Variants in FBXL17 observed in about 807,000 individuals in gnomAD.
The protein encoded by FBXL17 is F-box and leucine rich repeat protein 17, also known as F-box/LRR-repeat protein 17.
Under a neutral mutation model 66.2 loss-of-function variants are expected in FBXL17, and 22 were observed. That is an observed-to-expected ratio of 0.33 (90% CI 0.24 to 0.47). The LOEUF is 0.47. FBXL17 is among the 20% of genes least tolerant of loss of function. FBXL17 has a pLI of 1.00. For synonymous variants in FBXL17, 474 were observed against 400.5 expected, an observed-to-expected ratio of 1.18 and a Z score of -2.19; for missense variants, 878 against 948.2, an observed-to-expected ratio of 0.93 and a Z score of 0.97.
intron 7 of FBXL17, among the ~76,000 whole-genome samples, chr5:107,979,046 T>C (rs1208418721): frequency 3.8e-4 from 58 of 152,204 alleles, no homozygotes; most frequent in Non-Finnish European, 1.5e-5. Context: ...AAAATGGGGA[T>C]AAATATGTCT....
intron 6 of FBXL17, among the ~76,000 whole-genome samples, chr5:108,129,366 G>A (rs1750837983): frequency 6.6e-6 from 1 of 151,896 alleles, no homozygotes; most frequent in Admixed American, 6.6e-5. Context: ...CTTCAAGCAG[G>A]GTTGCATACA....
intron 6 of FBXL17, among the ~76,000 whole-genome samples, chr5:108,100,480 G>T (rs1052167710): frequency 1.3e-5 from 2 of 151,986 alleles, no homozygotes; most frequent in Non-Finnish European, 2.9e-5. Flanking sequence ...TTGTTATTAT[G>T]TAAGTATTTC....
chr5:108,057,124 A>C (rs1413053572), intron 6 of FBXL17, among the ~76,000 whole-genome samples: 1 of 152,238 alleles, frequency 6.6e-6, no homozygotes, highest in Non-Finnish European at 1.5e-5. Context: ...TAACTATTTA[A>C]ATGAAAAATT....
Position 108,253,248 on chromosome 5 carries a change from A to AT in FBXL17, c.1507-29021dup, listed in dbSNP as rs1466769638. Among the ~76,000 whole-genome samples the AT allele has an allele frequency of 1.1e-3, 161 of 152,138 alleles. 1 individual carries two copies. Among genetic ancestry groups the AT allele is most frequent in the Non-Finnish European group, 1.7e-3 (115 of 67,990 alleles). On this transcript the variant is annotated intron_variant, in intron 4 of 8. Coordinates refer to ENST00000542267, the MANE Select transcript of FBXL17 (RefSeq NM_001163315.3). ...TACTTTATTCTAGGGAAAAAAGGTG[A>AT]TTTTTTTAAAAATTTTTATTTCTGT...
intron 7 of FBXL17, among the ~76,000 whole-genome samples, chr5:107,921,086 T>C (rs1750303468): frequency 6.6e-6 from 1 of 152,212 alleles, no homozygotes; most frequent in Non-Finnish European, 1.5e-5. Context: ...ACTAACATTG[T>C]TTGACTATAA....
At chr5:108,072,482 T>C (rs1335218337) in intron 6 of FBXL17, among the ~76,000 whole-genome samples, 1 of 152,102 alleles carries the variant, frequency 6.6e-6, no homozygotes, top group African/African-American at 2.4e-5. Flanking sequence ...GGCGGGTGGA[T>C]CACAAAGCCA....
chr5:108,181,058 A>G (rs1752982195), intron 6 of FBXL17, among the ~76,000 whole-genome samples: 1 of 152,236 alleles, frequency 6.6e-6, no homozygotes, highest in Non-Finnish European at 1.5e-5. Flanking sequence ...ATTAACAAAA[A>G]AAGAATAAAA....
chr5:108,290,221 T>C (rs935292204), intron 4 of FBXL17, among the ~76,000 whole-genome samples: 2 of 152,112 alleles, frequency 1.3e-5, no homozygotes, highest in Admixed American at 1.3e-4. Flanking sequence ...GTAGAGTCCA[T>C]AGGGATGAAG....
intron 4 of FBXL17, among the ~76,000 whole-genome samples, chr5:108,247,079 CCTGT>C (rs1756133971): frequency 6.6e-6 from 1 of 152,012 alleles, no homozygotes; most frequent in Admixed American, 6.6e-5. Flanking sequence ...AAATAAAGGC[CCTGT>C]CTAGTATATC....
At chr5:108,015,423 C>T (rs1156239664) in intron 7 of FBXL17, among the ~76,000 whole-genome samples, 1 of 151,796 alleles carries the variant, frequency 6.6e-6, no homozygotes, top group Non-Finnish European at 1.5e-5. Context: ...TTCCTGCTGA[C>T]AAAAGGAGTG....
intron 7 of FBXL17, among the ~76,000 whole-genome samples, chr5:107,963,246 C>T (rs760328743): frequency 6.6e-6 from 1 of 152,100 alleles, no homozygotes; most frequent in Non-Finnish European, 1.5e-5. Flanking sequence ...TCCACCCATA[C>T]ATTGAGGGCC....
intron 7 of FBXL17, among the ~76,000 whole-genome samples, chr5:107,884,102 CCAAG>C (rs1748884112): frequency 6.6e-6 from 1 of 152,116 alleles, no homozygotes; most frequent in Non-Finnish European, 1.5e-5. Flanking sequence ...AGTAACAAAA[CCAAG>C]CAGAGTCCTT....
chr5:107,904,859 G>T (rs1749699705), intron 7 of FBXL17, among the ~76,000 whole-genome samples: 1 of 151,990 alleles, frequency 6.6e-6, no homozygotes, highest in Non-Finnish European at 1.5e-5. Context: ...CTCCAGGAGT[G>T]ACATTCTGAC....
intron 6 of FBXL17, among the ~76,000 whole-genome samples, chr5:108,168,939 A>G (rs936347003): frequency 6.6e-6 from 1 of 152,228 alleles, no homozygotes. Flanking sequence ...GGAGTAAAAT[A>G]TATGTGCATC....
chr5:108,156,946 A>C (rs774848259), intron 6 of FBXL17, among the ~76,000 whole-genome samples: 86 of 152,020 alleles, frequency 5.7e-4, no homozygotes, highest in Middle Eastern at 3.4e-3. Context: ...GAAGGACTAA[A>C]CTAACAGTCT....
rs1233513756 is a variant in FBXL17, at chr5:108,381,827, C to A, written c.-136G>T. 7 of 1,303,734 alleles carry A rather than the reference C, an allele frequency of 5.4e-6. No homozygotes were observed. Among genetic ancestry groups the A allele is most frequent in the Non-Finnish European group, 6.8e-6 (7 of 1,026,938 alleles). 80.8% of individuals were successfully genotyped at this position (1,303,734 alleles called of 1,614,324 possible). On this transcript the variant is annotated 5_prime_UTR_variant, in exon 1 of 9. Transcript: ENST00000542267. ...CTTCCTGCGCACACACACGCACACA[C>A]GGGCACACACGCGACGGTGGGGGGT...
Position 107,868,277 on chromosome 5 carries a change from A to G in FBXL17, c.1966-6417T>C, listed in dbSNP as rs147711385. Among the ~76,000 whole-genome samples the G allele has an allele frequency of 1.1e-3, 162 of 152,324 alleles. 1 individual carries two copies. In the East Asian group the frequency reaches 0.03, roughly 28 times the overall value. Reference sequence around the variant, plus strand: ...GGCCTGGCTGATCTCCTGCCCTGTAAAATGTTTACTGACATTCGTTTTTTT... The same window carrying G: ...GGCCTGGCTGATCTCCTGCCCTGTAGAATGTTTACTGACATTCGTTTTTTT... On this transcript the variant is annotated intron_variant, in intron 8 of 8. Coordinates refer to ENST00000542267, the MANE Select transcript of FBXL17 (RefSeq NM_001163315.3).
At chr5:108,096,680 G>A (rs1170479167) in intron 6 of FBXL17, among the ~76,000 whole-genome samples, 1 of 152,234 alleles carries the variant, frequency 6.6e-6, no homozygotes, top group Admixed American at 6.5e-5. Flanking sequence ...TTTGTGGGGT[G>A]TGGGATACAT....
intron 5 of FBXL17, among the ~76,000 whole-genome samples, chr5:108,191,167 C>G (rs1287388598): frequency 6.6e-6 from 1 of 152,126 alleles, no homozygotes; most frequent in Non-Finnish European, 1.5e-5. Flanking sequence ...TTTATTTTCC[C>G]AATTTATCCT....
Sources: gnomAD v4.1 joint callset for allele counts (sites outside exome capture counted in the v4.1 genomes callset) on GRCh38, gnomAD v4.1.1 for gene constraint, MANE v1.5 for transcripts, NCBI Gene and HGNC (gene_info 2026-07-23, HGNC 2026-07-21) for gene names.